Variants in ZNF672 observed in about 807,000 individuals in gnomAD.
ZNF672 encodes the protein hypothetical protein FLJ22301.
For synonymous variants in ZNF672, 358 were observed against 305.6 expected (o/e 1.17, Z -1.79); for missense variants, 733 against 701.1 (o/e 1.05, Z -0.51).
At chr1:248,840,255 T>C (rs11205423) in intron 1 of ZNF672, among the ~76,000 whole-genome samples, 1,846 of 150,822 alleles carry the variant, frequency 0.012, 51 homozygotes, top group African/African-American at 0.043. Context: ...CATGCCTGGC[T>C]ACTTTTTTGT....
chr1:248,840,650 CAG>C (rs1352752012), intron 1 of ZNF672, among the ~76,000 whole-genome samples: 3 of 151,996 alleles, frequency 2.0e-5, no homozygotes, highest in Admixed American at 2.0e-4. Context: ...TGACTGCAGT[CAG>C]AGTACTTGTA....
At chr1:248,840,906 A>G (rs1664665542) in intron 1 of ZNF672, among the ~76,000 whole-genome samples, 1 of 151,716 alleles carries the variant, frequency 6.6e-6, no homozygotes, top group Admixed American at 6.6e-5. Flanking sequence ...TGTGGAGGAT[A>G]TGATGACTGT....
chr1:248,841,801 C>G (rs1437192060), intron 1 of ZNF672, among the ~76,000 whole-genome samples: 1 of 152,034 alleles, frequency 6.6e-6, no homozygotes, highest in Non-Finnish European at 1.5e-5. Flanking sequence ...GCCTGTAATC[C>G]CAGCTGCTTG....
At position 248,847,755 on chromosome 1, in the gene ZNF672, C is replaced by G; in HGVS notation, c.481C>G (p.Pro161Ala). ...PLGTTSDPAA[P>A]PHRCAQCPRA... Reference sequence around the variant, plus strand: ...GGGGACAACCTCTGACCCTGCTGCCCCACCCCACCGCTGCGCGCAGTGCCC... The same window carrying G: ...GGGGACAACCTCTGACCCTGCTGCCGCACCCCACCGCTGCGCGCAGTGCCC... Residue 161 changes from proline to alanine, a missense_variant, in exon 4 of 4, where the codon CCA (proline) becomes GCA (alanine). By Grantham distance (27) the Pro-to-Ala change is conservative. Transcript: ENST00000306562. The G allele has an allele frequency of 1.3e-6, 2 of 1,487,594 alleles. No homozygotes were observed. The highest frequency in any genetic ancestry group is 1.8e-6 in the Non-Finnish European group (2 of 1,120,432). 92.1% of individuals were successfully genotyped at this position (1,487,594 alleles called of 1,614,324 possible).
At position 248,847,552 on chromosome 1, in the gene ZNF672, G is replaced by A. The variant is rs760994361; in HGVS notation, c.278G>A (p.Arg93Gln). The change falls in exon 4 of 4, where the codon CGG (arginine) becomes CAG (glutamine). Residue 93 changes from arginine to glutamine, a missense_variant. By Grantham distance (43) the Arg-to-Gln change is conservative. Coordinates refer to ENST00000306562, the MANE Select transcript of ZNF672 (RefSeq NM_024836.3). ...CTTGACCTACACTTGGGCGCACACC[G>A]GCAGCGATGCCGCACTTGCCCCTGC... is the stretch of plus-strand genomic sequence containing the variant. ...GRLDLHLGAH[R>Q]QRCRTCPCRT... The A allele has an allele frequency of 7.9e-5, 125 of 1,586,628 alleles. 1 individual carries two copies. The highest frequency in any genetic ancestry group is 2.2e-4 in the South Asian group (19 of 87,976).
At chr1:248,843,885 G>A (rs1664716185) in intron 1 of ZNF672, among the ~76,000 whole-genome samples, 1 of 152,176 alleles carries the variant, frequency 6.6e-6, no homozygotes, top group African/African-American at 2.4e-5. Context: ...CTGGGCCACT[G>A]TAGTAGACAG....
In ZNF672 at chr1:248,848,050, A is replaced by G; in HGVS notation, c.776A>G (p.Asp259Gly). Residue 259 changes from aspartate to glycine, a missense_variant, in exon 4 of 4, where the codon GAC (aspartate) becomes GGC (glycine). Asp to Gly is a moderately conservative substitution (Grantham distance 94). Coordinates refer to ENST00000306562, the MANE Select transcript of ZNF672 (RefSeq NM_024836.3). The stretch of plus-strand genomic sequence containing the variant: ...GGCGAGAAGCCGTACGCATGTGGCG[A>G]CTGTGGACGCTGCTTCAGCGAGAGT... ...HTGEKPYACG[D>G]CGRCFSESST... 1.3e-6 allele frequency: 2 copies of G among 1,550,530 alleles called. No homozygotes were observed. The highest frequency in any genetic ancestry group is 8.7e-7 in the Non-Finnish European group (1 of 1,147,626).
At position 248,844,624 on chromosome 1, in the gene ZNF672, A is replaced by G. The variant is rs1664728419; in HGVS notation, c.-333A>G. Reference sequence around the variant, plus strand: ...GCGAGTGTCCTACTCCGCATCCGTAATGGAAGGAAATGGTATTGTTGTTTA... The same window carrying G: ...GCGAGTGTCCTACTCCGCATCCGTAGTGGAAGGAAATGGTATTGTTGTTTA... On this transcript the variant is annotated 5_prime_UTR_variant, in exon 2 of 4. The change abolishes an upstream ATG in the 5' untranslated region. Coordinates refer to ENST00000306562, the MANE Select transcript of ZNF672 (RefSeq NM_024836.3). 1 of 152,240 alleles carries G rather than the reference A, an allele frequency of 6.6e-6. No homozygotes were observed. Among genetic ancestry groups the G allele is most frequent in the East Asian group, 1.9e-4 (1 of 5,190 alleles). The allele number at this position is 152,240 out of a possible 1,614,324, so 9.4% of individuals were successfully genotyped here.
At position 248,847,626 on chromosome 1, in the gene ZNF672, C is replaced by G; in HGVS notation, c.352C>G (p.Arg118Gly). 1 of 1,520,806 alleles carries G rather than the reference C, an allele frequency of 6.6e-7. No individual in the cohort carries two copies. The allele number at this position is 1,520,806 out of a possible 1,614,324, so 94.2% of individuals were successfully genotyped here. ...GCACCTCCCGGCGCTGCTGCTACAC[C>G]GGCGCCGCCAGCATCTGCCAGAGCG... ...FPHLPALLLH[R>G]RRQHLPERPR... The change falls in exon 4 of 4, where the codon CGG becomes GGG. Residue 118 changes from arginine to glycine, a missense_variant. Arg to Gly is a moderately radical substitution (Grantham distance 125). Coordinates refer to ENST00000306562, the MANE Select transcript of ZNF672 (RefSeq NM_024836.3).
chr1:248,846,624 T>C (rs900605061), intron 3 of ZNF672, among the ~76,000 whole-genome samples: 1 of 152,230 alleles, frequency 6.6e-6, no homozygotes, highest in Admixed American at 6.5e-5. Flanking sequence ...TGTCAGTGAC[T>C]CAGGAAAGCT....
chr1:248,847,235 G>A lies in ZNF672; in HGVS notation c.-40G>A, dbSNP rs1476019454. ...CTGCAGCGTCAGGAGGTGGACCCCA[G>A]AGTGTGAGTGGCACGCTTCCCTGTG... On this transcript the variant is annotated 5_prime_UTR_variant, in exon 4 of 4. Transcript: ENST00000306562. 2.5e-6 allele frequency: 4 copies of A among 1,578,552 alleles called. No homozygotes were observed. Among genetic ancestry groups the A allele is most frequent in the Non-Finnish European group, 3.5e-6 (4 of 1,154,074 alleles).
rs552606988 is a variant in ZNF672, at chr1:248,847,901, C to A, written c.627C>A (p.Gly209=). 9.4e-6 allele frequency: 15 copies of A among 1,588,556 alleles called. No homozygotes were observed. The South Asian group carries it at 1.7e-4, about 18-fold the overall frequency. ...GTGGCGTGTGCGGCAAGTGCTTTGG[C>A]AAGAGCTCTACGCTGACGCGACACC... ...HQCGVCGKCF[G]KSSTLTRHLQ... Residue 209 remains glycine, a synonymous_variant, in exon 4 of 4, where the codon GGC becomes GGA. Transcript: ENST00000306562.
At position 248,847,895 on chromosome 1, in the gene ZNF672, C is replaced by T; in HGVS notation, c.621C>T (p.Cys207=). Reference sequence around the variant, plus strand: ...ACCAGTGTGGCGTGTGCGGCAAGTGCTTTGGCAAGAGCTCTACGCTGACGC... The same window carrying T: ...ACCAGTGTGGCGTGTGCGGCAAGTGTTTTGGCAAGAGCTCTACGCTGACGC... ...DAHQCGVCGK[C]FGKSSTLTRH... The change falls in exon 4 of 4, where the codon TGC becomes TGT. Residue 207 remains cysteine (C), a synonymous_variant. Transcript: ENST00000306562. 2 of 1,589,084 alleles carry T rather than the reference C, an allele frequency of 1.3e-6. No individual in the cohort carries two copies. The highest frequency in any genetic ancestry group is 1.7e-6 in the Non-Finnish European group (2 of 1,169,946).
intron 1 of ZNF672, among the ~76,000 whole-genome samples, chr1:248,843,106 G>C (rs1017179600): frequency 3.3e-5 from 5 of 152,130 alleles, no homozygotes; most frequent in African/African-American, 1.2e-4. Context: ...GGGAGACTGA[G>C]AGATGGGCTA....
Position 248,848,048 on chromosome 1 carries a change from C to T in ZNF672, c.774C>T (p.Gly258=), listed in dbSNP as rs751418891. The T allele has an allele frequency of 6.5e-7, 1 of 1,550,096 alleles. No individual in the cohort carries two copies. The highest frequency in any genetic ancestry group is 1.9e-5 in the Admixed American group (1 of 51,418). ...THTGEKPYAC[G]DCGRCFSESS... ...CGGGCGAGAAGCCGTACGCATGTGG[C>T]GACTGTGGACGCTGCTTCAGCGAGA... The change falls in exon 4 of 4, where the codon GGC becomes GGT. Residue 258 remains glycine (G), a synonymous_variant. Coordinates refer to ENST00000306562, the MANE Select transcript of ZNF672 (RefSeq NM_024836.3).
intron 1 of ZNF672, among the ~76,000 whole-genome samples, chr1:248,843,286 C>T (rs149614909): frequency 2.2e-3 from 336 of 152,306 alleles, no homozygotes; most frequent in African/African-American, 7.7e-3. Context: ...TGTGAGAATT[C>T]TTGTGTGTTA....
intron 1 of ZNF672, among the ~76,000 whole-genome samples, chr1:248,840,447 GTC>G (rs1664655705): frequency 6.6e-6 from 1 of 152,200 alleles, no homozygotes; most frequent in Non-Finnish European, 1.5e-5. Flanking sequence ...CAAGTCTACT[GTC>G]TAAGATCAGA....
Position 248,847,580 on chromosome 1 carries a change from C to T in ZNF672, c.306C>T (p.Arg102=), listed in dbSNP as rs1310637252. 2 of 1,565,366 alleles carry T rather than the reference C, an allele frequency of 1.3e-6. No individual in the cohort carries two copies. The highest frequency in any genetic ancestry group is 2.7e-5 in the African/African-American group (2 of 73,832). Residue 102 remains arginine (R), a synonymous_variant, in exon 4 of 4, where the codon CGC becomes CGT. Transcript: ENST00000306562. ...AGCGATGCCGCACTTGCCCCTGCCG[C>T]ACATGCGGCCGGCGCTTCCCGCACC... ...HRQRCRTCPC[R]TCGRRFPHLP... is the part of the protein sequence containing the mutation.
chr1:248,843,797 G>A (rs143932392), intron 1 of ZNF672, among the ~76,000 whole-genome samples: 3 of 152,152 alleles, frequency 2.0e-5, no homozygotes, highest in Admixed American at 6.5e-5. Context: ...TCTTTGAAAC[G>A]AGGAGAGTAT....
Sources: allele counts gnomAD v4.1 joint callset (sites outside exome capture counted in the v4.1 genomes callset), GRCh38; gene constraint gnomAD v4.1.1; transcripts MANE v1.5; gene names NCBI Gene and HGNC (gene_info 2026-07-23, HGNC 2026-07-21).